TRIP10: variants seen among roughly 807,000 people sequenced by gnomAD.
TRIP10 encodes cdc42-interacting protein 4.
In TRIP10, 54 loss-of-function variants were observed where a neutral mutation model predicts 80.9. The observed-to-expected ratio is 0.67, with a 90% CI of 0.54 to 0.84. The LOEUF is 0.84. Ranked by LOEUF, TRIP10 falls within the 40% of genes least tolerant of loss-of-function variation. The pLI, the probability that TRIP10 is intolerant of heterozygous loss-of-function variation, is 0.00. For missense variants in TRIP10, 773 were observed against 815.3 expected (o/e 0.95, Z 0.63); for synonymous variants, 321 against 307.2 (o/e 1.04, Z -0.47).
In TRIP10 at chr19:6,743,721, C is replaced by A. The variant is rs1217432144; in HGVS notation, c.527C>A (p.Ala176Asp). Residue 176 changes from alanine to aspartate, a missense_variant, in exon 7 of 15, where the codon GCC (alanine) becomes GAC (aspartate). Physicochemically the swap from Ala to Asp is moderately radical, Grantham distance 126. Transcript: ENST00000313244. ...TGCATTCTTCAGGCCAAGCAGCAAGCCCACCTTCGGAGTCACATGGCCGAA... is the reference window on the plus strand; with the variant it reads ...TGCATTCTTCAGGCCAAGCAGCAAGACCACCTTCGGAGTCACATGGCCGAA... ...KADVEKAKQQ[A>D]HLRSHMAEES... 6.2e-7 allele frequency: 1 copy of A among 1,614,082 alleles called. No homozygotes were observed. Among genetic ancestry groups the A allele is most frequent in the Admixed American group, 1.7e-5 (1 of 60,016 alleles).
Position 6,749,965 on chromosome 19 carries a change from G to A in TRIP10, c.1294G>A (p.Glu432Lys), listed in dbSNP as rs1407992057. Residue 432 changes from glutamate (E) to lysine (K), a missense_variant, in exon 12 of 15, where the codon GAG (glutamate) becomes AAG (lysine). Coordinates refer to ENST00000313244, the MANE Select transcript of TRIP10 (RefSeq NM_001288962.2). ...CCTAAAGAAAATGAAGGATGTCTAT[G>A]AGAAGACACCTCAGATGGGGGACCC... is the stretch of plus-strand genomic sequence containing the variant. ...EALKKMKDVY[E>K]KTPQMGDPAS... 2.5e-6 allele frequency: 4 copies of A among 1,614,140 alleles called. No individual in the cohort carries two copies. The highest frequency in any genetic ancestry group is 1.3e-5 in the African/African-American group (1 of 75,030).
In TRIP10 at chr19:6,745,117, C is replaced by A. The variant is rs1969071356; in HGVS notation, c.984+123C>A. The A allele has an allele frequency of 1.5e-6, 2 of 1,329,774 alleles. No individual in the cohort carries two copies. The highest frequency in any genetic ancestry group is 2.8e-5 in the Admixed American group (1 of 36,148). 82.4% of individuals were successfully genotyped at this position (1,329,774 alleles called of 1,614,324 possible). On this transcript the variant is annotated intron_variant, in intron 9 of 14. Coordinates refer to ENST00000313244, the MANE Select transcript of TRIP10 (RefSeq NM_001288962.2). The surrounding 1 kb of genome is among the most constrained non-coding windows in gnomAD (Gnocchi z 7.2). ...TCTCGGGCAGGAATTTTCCTCTTGG[C>A]TGCCAGCCCGGACTGGAGGGAAGGA...
At chr19:6,749,805 T>G in intron 11 of TRIP10, 129 bp from the exon 12 acceptor site, 1 of 1,340,832 alleles carries the variant, frequency 7.5e-7, no homozygotes, top group Middle Eastern at 2.6e-4. Flanking sequence ...GAGCCATGAT[T>G]GCACCACTGC....
chr19:6,740,760 C>G (rs344634), intron 1 of TRIP10: 9,732 of 520,074 alleles, frequency 0.019, 446 homozygotes, highest in African/African-American at 0.12. Flanking sequence ...GGTCCTATGT[C>G]GGAGACCTCC....
Position 6,744,700 on chromosome 19 carries a change from C to G in TRIP10, c.789C>G (p.Asn263Lys). The G allele has an allele frequency of 1.3e-6, 2 of 1,598,364 alleles. No homozygotes were observed. Among genetic ancestry groups the G allele is most frequent in the Non-Finnish European group, 1.7e-6 (2 of 1,171,228 alleles). ...CTGCAAATGCTGTGGATCCCAAGAA[C>G]GTGGGTGCCTGGTCTGGGTCCACTG... is the stretch of plus-strand genomic sequence containing the variant. ...KVAANAVDPK[N>K]DSHVLIELHK... The change falls in exon 8 of 15, where the codon AAC (asparagine) becomes AAG (lysine). Residue 263 changes from asparagine to lysine, a missense_variant and splice_region_variant. By Grantham distance (94) the Asn-to-Lys change is moderately conservative (BLOSUM62 0). Coordinates refer to ENST00000313244, the MANE Select transcript of TRIP10 (RefSeq NM_001288962.2). The surrounding 1 kb of genome is among the most constrained non-coding windows in gnomAD (Gnocchi z 4.9).
At position 6,751,375 on chromosome 19, in the gene TRIP10, G is replaced by A. The variant is rs543149350; in HGVS notation, c.*164G>A. ...CCCAGTCCTACCTGTCACACCGGAC[G>A]GACCCGCTGTGCCTTCTACCATCGT... On this transcript the variant is annotated 3_prime_UTR_variant, in exon 15 of 15. Coordinates refer to ENST00000313244, the MANE Select transcript of TRIP10 (RefSeq NM_001288962.2). 24 of 1,395,418 alleles carry A rather than the reference G, an allele frequency of 1.7e-5. No individual in the cohort carries two copies. Among genetic ancestry groups the A allele is most frequent in the East Asian group, 1.7e-4 (6 of 35,922 alleles). The allele number at this position is 1,395,418 out of a possible 1,614,324, so 86.4% of individuals were successfully genotyped here.
At position 6,746,426 on chromosome 19, in the gene TRIP10, A is replaced by G. The variant is rs1969135980; in HGVS notation, c.1153-26A>G. The G allele has an allele frequency of 6.2e-7, 1 of 1,612,578 alleles. No individual in the cohort carries two copies. Among genetic ancestry groups the G allele is most frequent in the Non-Finnish European group, 8.5e-7 (1 of 1,178,870 alleles). On this transcript the variant is annotated intron_variant, in intron 10 of 14. Transcript: ENST00000313244. The surrounding 1 kb of genome is among the most constrained non-coding windows in gnomAD (Gnocchi z 6.2). ...TGGCAGGCTAGACTCCTTGATCCCA[A>G]ATTCAGCCCTCTACCCACCTTGCAG... is the stretch of plus-strand genomic sequence containing the variant.
At position 6,743,473 on chromosome 19, in the gene TRIP10, C is replaced by T. The variant is rs761315005; in HGVS notation, c.409-21C>T. On this transcript the variant is annotated intron_variant, in intron 5 of 14. Transcript: ENST00000313244. Reference sequence around the variant, plus strand: ...TCTTTGGGATGGTGGCTCCCTCACTCCGGTTCTGTCCCCTACACAGAGTAA... The same window carrying T: ...TCTTTGGGATGGTGGCTCCCTCACTTCGGTTCTGTCCCCTACACAGAGTAA... 15 of 1,612,426 alleles carry T rather than the reference C, an allele frequency of 9.3e-6. No homozygotes were observed. In the South Asian group the frequency reaches 1.6e-4, roughly 18 times the overall value.
Position 6,750,505 on chromosome 19 carries a change from C to A in TRIP10, c.1536-7C>A. 1 of 1,614,028 alleles carries A rather than the reference C, an allele frequency of 6.2e-7. No individual in the cohort carries two copies. Among genetic ancestry groups the A allele is most frequent in the South Asian group, 1.1e-5 (1 of 91,056 alleles). ...CTGTCTTTATCTGCCGAATTATCCC[C>A]AAACAGCTCTGAAGAGCCTCCCTCA... On this transcript the variant is annotated splice_polypyrimidine_tract_variant and splice_region_variant and intron_variant, in intron 13 of 14. Transcript: ENST00000313244.
At chr19:6,743,448 T>C in intron 5 of TRIP10, 46 bp from the exon 6 acceptor site, 1 of 1,598,834 alleles carries the variant, frequency 6.3e-7, no homozygotes. Flanking sequence ...CACCCTGCTG[T>C]CTTTGGGATG....
In TRIP10 at chr19:6,739,826, G is replaced by A. The variant is rs765538339; in HGVS notation, c.24+41G>A. The A allele has an allele frequency of 7.7e-6, 11 of 1,431,046 alleles. No individual in the cohort carries two copies. The Admixed American group carries it at 2.8e-4, about 36-fold the overall frequency. The allele number at this position is 1,431,046 out of a possible 1,614,324, so 88.6% of individuals were successfully genotyped here. On this transcript the variant is annotated intron_variant, in intron 1 of 14. Coordinates refer to ENST00000313244, the MANE Select transcript of TRIP10 (RefSeq NM_001288962.2). The stretch of plus-strand genomic sequence containing the variant: ...CCGCCTCTAAGTTCCCCTTTGCTGG[G>A]GTCCAGGCACCCCCCTTTTGTCCCC...
At chr19:6,740,178 C>A (rs1968867420) in intron 1 of TRIP10, among the ~76,000 whole-genome samples, 1 of 152,300 alleles carries the variant, frequency 6.6e-6, no homozygotes, top group Admixed American at 6.5e-5. Context: ...CCTCTGGTCA[C>A]CCTCATCCCC....
In TRIP10 at chr19:6,751,389, T is replaced by G; in HGVS notation, c.*178T>G. 7.4e-7 allele frequency: 1 copy of G among 1,348,980 alleles called. No individual in the cohort carries two copies. Among genetic ancestry groups the G allele is most frequent in the South Asian group, 1.9e-5 (1 of 53,878 alleles). The allele number at this position is 1,348,980 out of a possible 1,614,324, so 83.6% of individuals were successfully genotyped here. On this transcript the variant is annotated 3_prime_UTR_variant, in exon 15 of 15. Coordinates refer to ENST00000313244, the MANE Select transcript of TRIP10 (RefSeq NM_001288962.2). ...TCACACCGGACGGACCCGCTGTGCC[T>G]TCTACCATCGTTCCACCATTGATGT...
At chr19:6,739,894 C>T (rs763866956) in intron 1 of TRIP10, 109 bp downstream of exon 1, 15 of 1,235,804 alleles carry the variant, frequency 1.2e-5, no homozygotes, top group Non-Finnish European at 1.6e-5. Flanking sequence ...CTTCCACCGA[C>T]CCCTGGGTCC....
rs1469453196 is a variant in TRIP10, at chr19:6,741,258, T to C, written c.174T>C (p.Pro58=). The C allele has an allele frequency of 2.5e-6, 4 of 1,611,154 alleles. No individual in the cohort carries two copies. The Admixed American group carries it at 5.1e-5, about 20-fold the overall frequency. The change falls in exon 3 of 15, where the codon CCT becomes CCC. Residue 58 remains proline, a synonymous_variant. Transcript: ENST00000313244. ...TGAAAAAATATCTGCCCAAGAGACC[T>C]GCCAAGGATGATCCTGAGTCCAAGT... The part of the protein sequence containing the change: ...SLVKKYLPKR[P]AKDDPESKFS...
At chr19:6,742,622 GAA>G (rs201245938) in intron 3 of TRIP10, among the ~76,000 whole-genome samples, 1 of 149,346 alleles carries the variant, frequency 6.7e-6, no homozygotes, top group Admixed American at 6.7e-5. Flanking sequence ...ACCTCATCTG[GAA>G]AAAAAAAATT....
At position 6,745,761 on chromosome 19, in the gene TRIP10, T is replaced by A; in HGVS notation, c.985-268T>A. On this transcript the variant is annotated intron_variant, in intron 9 of 14. Coordinates refer to ENST00000313244, the MANE Select transcript of TRIP10 (RefSeq NM_001288962.2). The surrounding 1 kb of genome is among the most constrained non-coding windows in gnomAD (Gnocchi z 7.2). ...ACCGGGGGAGTGAGAGTTCTGGCTT[T>A]CGGGCTTACAGTTCAACATCCTCCC... The A allele has an allele frequency of 1.0e-6, 1 of 985,314 alleles. No individual in the cohort carries two copies. Among genetic ancestry groups the A allele is most frequent in the Non-Finnish European group, 1.2e-6 (1 of 829,926 alleles). The allele number at this position is 985,314 out of a possible 1,614,324, so 61.0% of individuals were successfully genotyped here. A position where few individuals can be genotyped will look rare whatever the true frequency, so the allele number is the denominator to read the frequency against.
chr19:6,745,580 G>T lies in TRIP10; in HGVS notation c.985-449G>T, dbSNP rs1230472940. ...GTTTTATTTTTGTTTATTTATTTTT[G>T]TCCTCTGTGGCCTCTTACCTGTCTG... On this transcript the variant is annotated intron_variant, in intron 9 of 14. Transcript: ENST00000313244. This position sits in a 1 kb window ranked among gnomAD's most constrained non-coding sequence, Gnocchi z 7.2. 1.0e-6 allele frequency: 1 copy of T among 984,438 alleles called. No individual in the cohort carries two copies. Among genetic ancestry groups the T allele is most frequent in the African/African-American group, 1.8e-5 (1 of 56,928 alleles). The allele number at this position is 984,438 out of a possible 1,614,324, so 61.0% of individuals were successfully genotyped here.
Position 6,750,552 on chromosome 19 carries a change from A to G in TRIP10, c.1576A>G (p.Ile526Val). 1 of 1,614,186 alleles carries G rather than the reference A, an allele frequency of 6.2e-7. No individual in the cohort carries two copies. Among genetic ancestry groups the G allele is most frequent in the South Asian group, 1.1e-5 (1 of 91,084 alleles). The change falls in exon 14 of 15, where the codon ATT (isoleucine) becomes GTT (valine). Residue 526 changes from isoleucine (I) to valine (V), a missense_variant. Physicochemically the swap from Ile to Val is conservative, Grantham distance 29. Coordinates refer to ENST00000313244, the MANE Select transcript of TRIP10 (RefSeq NM_001288962.2). ...CTCAGAAGAGAGCCAGGACACCCCC[A>G]TTTACACGGAGTTTGATGAGGATTT... is the stretch of plus-strand genomic sequence containing the variant. ...PPSEESQDTPIYTEFDEDFEE... is the reference protein window; with the variant it reads ...PPSEESQDTPVYTEFDEDFEE...
Sources: allele counts gnomAD v4.1 joint callset (sites outside exome capture counted in the v4.1 genomes callset), GRCh38; gene constraint gnomAD v4.1.1; non-coding constraint Gnocchi (gnomAD v3.1); transcripts MANE v1.5; gene names NCBI Gene and HGNC (gene_info 2026-07-23, HGNC 2026-07-21).